The following TLK1 variants were observed in gnomAD, a reference collection of about 807,000 sequenced individuals.
TLK1 encodes the protein tousled like kinase 1, also known as serine/threonine-protein kinase tousled-like 1.
TLK1 carries 24 observed loss-of-function variants against 105.3 expected under a neutral mutation model. That is an observed-to-expected ratio of 0.23 (90% CI 0.17 to 0.32). The LOEUF (loss-of-function observed/expected upper bound fraction) is 0.32, where lower values mean the gene tolerates loss of function less well. Among genes scored for constraint, TLK1 ranks in the 10% least tolerant of loss-of-function variants. The pLI is 1.00. For missense variants in TLK1, 558 were observed against 910.5 expected (o/e 0.61, Z 4.98); for synonymous variants, 321 against 310.4 (o/e 1.03, Z -0.36).
rs371437717 is a variant in TLK1 at position 171,160,458 on chromosome 2, C to G, written c.-30G>C. 8.8e-6 allele frequency: 14 copies of G among 1,583,478 alleles called. No homozygotes were observed. Among genetic ancestry groups the G allele is most frequent in the East Asian group, 7.4e-5 (3 of 40,642 alleles). ...CTACTTTCTGGGAACCCGACTCCCC[C>G]CCTGCGACGGCAGCGGCGGCAACGG... On this transcript the variant is annotated 5_prime_UTR_variant, in exon 1 of 21. Transcript: ENST00000431350. The surrounding 1 kb of genome is among the most constrained non-coding windows in gnomAD (Gnocchi z 4.4).
chr2:171,006,147 C>CAGTA lies in TLK1; in HGVS notation c.1900_1903dup (p.Trp635LeufsTer7). 1 of 1,582,278 alleles carries CAGTA rather than the reference C, an allele frequency of 6.3e-7. No individual in the cohort carries two copies. Among genetic ancestry groups the CAGTA allele is most frequent in the Non-Finnish European group, 8.6e-7 (1 of 1,167,352 alleles). ...CTGATGTTTTTAGTAATACACTTAC[C>CAGTA]AGTAAGTGCCTGCCCCCTGGGAAGT... is the stretch of plus-strand genomic sequence containing the variant. On this transcript the variant is annotated frameshift_variant and splice_region_variant, in exon 18 of 21. Coordinates refer to ENST00000431350, the MANE Select transcript of TLK1 (RefSeq NM_012290.5). LOFTEE classifies it high-confidence loss of function.
chr2:171,098,989 A>G (rs1280784939), intron 2 of TLK1, among the ~76,000 whole-genome samples: 4 of 152,216 alleles, frequency 2.6e-5, no homozygotes, highest in Non-Finnish European at 4.4e-5. Context: ...ACATTTATGA[A>G]GCACTCACAG....
chr2:171,103,409 A>T (rs1288556748), intron 2 of TLK1, among the ~76,000 whole-genome samples: 1 of 151,716 alleles, frequency 6.6e-6, no homozygotes, highest in Non-Finnish European at 1.5e-5. Context: ...TCCTGAGTAG[A>T]TGGGATTACA....
At chr2:170,998,568 C>T (rs187647137) in intron 18 of TLK1, among the ~76,000 whole-genome samples, 2 of 152,242 alleles carry the variant, frequency 1.3e-5, no homozygotes, top group East Asian at 3.9e-4. Flanking sequence ...CCATCTTTTG[C>T]TTCTCCCCAG....
chr2:171,124,597 G>A (rs569966248), intron 1 of TLK1, among the ~76,000 whole-genome samples: 59 of 152,172 alleles, frequency 3.9e-4, no homozygotes, highest in Non-Finnish European at 7.6e-4. Context: ...AACACACATG[G>A]ATAGATGGAA....
intron 1 of TLK1, among the ~76,000 whole-genome samples, chr2:171,128,206 C>CT (rs1690950043): frequency 6.6e-6 from 1 of 152,070 alleles, no homozygotes; most frequent in Non-Finnish European, 1.5e-5. Flanking sequence ...CATAGGGTTT[C>CT]TGCTTCTCTC....
rs147806356 is a variant in TLK1, at chr2:171,160,729, C to G, written c.-301G>C. On this transcript the variant is annotated 5_prime_UTR_variant, in exon 1 of 21. Transcript: ENST00000431350. The surrounding 1 kb of genome is among the most constrained non-coding windows in gnomAD (Gnocchi z 4.4). Reference sequence around the variant, plus strand: ...GGCGGAGGCGTCGAGGGGGTGCCAGCCGGGCCGGGGTCGGAGCGCGGGCGG... The same window carrying G: ...GGCGGAGGCGTCGAGGGGGTGCCAGGCGGGCCGGGGTCGGAGCGCGGGCGG... 41 of 451,368 alleles carry G rather than the reference C, an allele frequency of 9.1e-5. No individual in the cohort carries two copies. Among genetic ancestry groups the G allele is most frequent in the East Asian group, 3.2e-4 (9 of 28,136 alleles). The allele number at this position is 451,368 out of a possible 1,614,324, so 28.0% of individuals were successfully genotyped here.
intron 1 of TLK1, among the ~76,000 whole-genome samples, chr2:171,208,740 C>T (rs770280945): frequency 6.6e-6 from 1 of 152,184 alleles, no homozygotes; most frequent in Non-Finnish European, 1.5e-5. Flanking sequence ...AAGTTTACAA[C>T]TCATTCTCTT....
intron 1 of TLK1, among the ~76,000 whole-genome samples, chr2:171,224,580 T>C (rs1167621115): frequency 6.6e-6 from 1 of 152,190 alleles, no homozygotes; most frequent in East Asian, 1.9e-4. Context: ...AGATATCCCA[T>C]GTTCATGGAT....
chr2:171,154,656 A>G (rs1270543987), intron 1 of TLK1, among the ~76,000 whole-genome samples: 1 of 152,230 alleles, frequency 6.6e-6, no homozygotes, highest in South Asian at 2.1e-4. Flanking sequence ...GATCCCAACT[A>G]CAATCACTTT....
intron 1 of TLK1, among the ~76,000 whole-genome samples, chr2:171,143,904 T>C (rs1691690689): frequency 6.6e-6 from 1 of 152,154 alleles, no homozygotes; most frequent in Admixed American, 6.5e-5. Flanking sequence ...AATTACCAGA[T>C]TGGGTTTTAA....
intron 1 of TLK1, among the ~76,000 whole-genome samples, chr2:171,150,518 G>A (rs1218893937): frequency 2.0e-5 from 3 of 152,278 alleles, no homozygotes; most frequent in African/African-American, 7.2e-5. Context: ...AGCCACCACA[G>A]TGGCTACCCT....
At chr2:171,057,424 T>C (rs1266587152) in intron 5 of TLK1, among the ~76,000 whole-genome samples, 1 of 152,046 alleles carries the variant, frequency 6.6e-6, no homozygotes, top group African/African-American at 2.4e-5. Context: ...GAGACATTTG[T>C]TGATTTGAAT....
At chr2:171,225,453 A>G (rs918991068) in intron 1 of TLK1, among the ~76,000 whole-genome samples, 12 of 151,942 alleles carry the variant, frequency 7.9e-5, no homozygotes, top group Non-Finnish European at 1.3e-4. Context: ...CTATAAGGGG[A>G]AAAAAAAGGA....
intron 2 of TLK1, among the ~76,000 whole-genome samples, chr2:171,109,316 C>G (rs888357575): frequency 6.6e-6 from 1 of 152,086 alleles, no homozygotes; most frequent in African/African-American, 2.4e-5. Flanking sequence ...AAAGATAGCT[C>G]AAAATATCCT....
intron 1 of TLK1, among the ~76,000 whole-genome samples, chr2:171,153,634 T>C (rs1692126500): frequency 1.3e-5 from 2 of 152,170 alleles, no homozygotes; most frequent in Admixed American, 1.3e-4. Context: ...GCAGATGCTA[T>C]GGAAACAGAC....
chr2:171,148,880 A>T (rs1249979430), intron 1 of TLK1, among the ~76,000 whole-genome samples: 1 of 2,434 alleles, frequency 4.1e-4, no homozygotes, highest in East Asian at 9.4e-3. Flanking sequence ...ACTCTGTCTT[A>T]AAAAAAAAAA....
At chr2:171,152,309 T>C (rs1692074313) in intron 1 of TLK1, among the ~76,000 whole-genome samples, 1 of 152,210 alleles carries the variant, frequency 6.6e-6, no homozygotes, top group African/African-American at 2.4e-5. Flanking sequence ...TAAATACAGG[T>C]TAAATTGCCT....
chr2:171,219,107 A>G (rs555946922), intron 1 of TLK1, among the ~76,000 whole-genome samples: 18 of 152,308 alleles, frequency 1.2e-4, no homozygotes, highest in African/African-American at 3.9e-4. Context: ...AAGTAAAATA[A>G]ACAGTCTCCA....
Sources: allele counts gnomAD v4.1 joint callset (sites outside exome capture counted in the v4.1 genomes callset), GRCh38; gene constraint gnomAD v4.1.1; non-coding constraint Gnocchi (gnomAD v3.1); transcripts MANE v1.5; gene names NCBI Gene and HGNC (gene_info 2026-07-23, HGNC 2026-07-21).